Variants in HAS3 observed in about 807,000 individuals in gnomAD.
HAS3 encodes the protein HA synthase 3.
A neutral mutation model predicts 50.3 loss-of-function variants in HAS3; 27 were observed. The ratio of observed to expected loss-of-function variants is 0.54; its 90% CI spans 0.40 to 0.74. The LOEUF (loss-of-function observed/expected upper bound fraction) is 0.74. HAS3 is among the 30% of genes least tolerant of loss of function. The pLI, the probability that HAS3 is intolerant of heterozygous loss-of-function variation, is 0.00. For synonymous variants in HAS3, 339 were observed against 310.9 expected (o/e 1.09, Z -0.95); for missense variants, 517 against 742.8 (o/e 0.70, Z 3.53).
the HAS3 span, among the ~76,000 whole-genome samples, chr16:69,100,633 G>A: frequency 2.0e-5 from 3 of 152,318 alleles, no homozygotes; most frequent in South Asian, 2.1e-4. Context: ...AGGAGACAGC[G>A]GAGCAGAACC....
At chr16:69,110,233 C>G (rs2152256903) in intron 2 of HAS3, among the ~76,000 whole-genome samples, 1 of 152,284 alleles carries the variant, frequency 6.6e-6, no homozygotes, top group Middle Eastern at 3.4e-3. Flanking sequence ...GGGTGGATCA[C>G]AAGGTCAGGA....
At chr16:69,104,269 TTTTTC>T (rs1298590656), upstream of HAS3, among the ~76,000 whole-genome samples, 13 of 141,226 alleles carry the variant, frequency 9.2e-5, no homozygotes, top group South Asian at 2.1e-4. Context: ...GTTTTTTTTT[TTTTTC>T]TTTTCTTTTC....
chr16:69,094,192 C>T, the HAS3 span, among the ~76,000 whole-genome samples: 7 of 152,200 alleles, frequency 4.6e-5, no homozygotes, highest in African/African-American at 1.7e-4. Context: ...TTCGTCTTTA[C>T]TGTCTACCTT....
At chr16:69,085,676 A>G in the HAS3 span, among the ~76,000 whole-genome samples, 93 of 150,906 alleles carry the variant, frequency 6.2e-4, no homozygotes, top group African/African-American at 2.2e-3. Context: ...GCAACCTCCA[A>G]CTCCTAGGCT....
chr16:69,113,481 T>C lies in HAS3; in HGVS notation c.677T>C (p.Ile226Thr), dbSNP rs1288354349. The C allele has an allele frequency of 6.2e-7, 1 of 1,613,734 alleles. No homozygotes were observed. The highest frequency in any genetic ancestry group is 1.1e-5 in the South Asian group (1 of 91,066). The change falls in exon 3 of 4, where the codon ATC (isoleucine) becomes ACC (threonine). Residue 226 changes from isoleucine (I) to threonine (T), a missense_variant. Physicochemically the swap from Ile to Thr is moderately conservative, Grantham distance 89 (BLOSUM62 -1). Transcript: ENST00000569188. ...SDTVLDPACT[I>T]EMLRVLEEDP... ...ACTGTGCTGGATCCAGCCTGCACCA[T>C]CGAGATGCTTCGAGTCCTGGAGGAG...
rs897002100 is a variant in HAS3, at chr16:69,109,281, G to A, written c.1-115G>A. 1.6e-5 allele frequency: 17 copies of A among 1,041,936 alleles called. No homozygotes were observed. Among genetic ancestry groups the A allele is most frequent in the Middle Eastern group, 2.1e-4 (1 of 4,738 alleles). 64.5% of individuals were successfully genotyped at this position (1,041,936 alleles called of 1,614,324 possible). A position where few individuals can be genotyped will look rare whatever the true frequency, so the allele number is the denominator to read the frequency against. ...CTACCAAGTCTTATGCTCAGTAAGC[G>A]GTAACGGTTTTGATCAGTGGGTCAT... On this transcript the variant is annotated intron_variant, in intron 1 of 3. Transcript: ENST00000569188. The surrounding 1 kb of genome is among the most constrained non-coding windows in gnomAD (Gnocchi z 5.3).
the HAS3 span, among the ~76,000 whole-genome samples, chr16:69,088,557 C>CCCCCCCAAAAAA: frequency 1.9e-5 from 1 of 52,288 alleles, no homozygotes; most frequent in Admixed American, 2.1e-4. Flanking sequence ...GACTCCATCT[C>CCCCCCCAAAAAA]AAAAAAAAAA....
At chr16:69,104,992 G>GTTTTTTTTTTTTTTTTTTTTTT (rs565397720), upstream of HAS3, among the ~76,000 whole-genome samples, 1 of 81,958 alleles carries the variant, frequency 1.2e-5, no homozygotes, top group African/African-American at 4.7e-5. Context: ...CTGTTTTTTG[G>GTTTTTTTTTTTTTTTTTTTTTT]TTTTTTTTTT....
rs1961167694 is a variant in HAS3 at position 69,116,043 on chromosome 16, T to TA, written c.*778dup. 1 of 985,562 alleles carries TA rather than the reference T, an allele frequency of 1.0e-6. No individual in the cohort carries two copies. 61.1% of individuals were successfully genotyped at this position (985,562 alleles called of 1,614,324 possible). ...CTGCTCAGACGTCTAGATGGGTTCT[T>TA]AGCTTGTCTGTGATCTCTGCTGGGG... On this transcript the variant is annotated 3_prime_UTR_variant, in exon 4 of 4. Transcript: ENST00000569188.
chr16:69,087,013 T>G, the HAS3 span, among the ~76,000 whole-genome samples: 1 of 152,048 alleles, frequency 6.6e-6, no homozygotes, highest in Non-Finnish European at 1.5e-5. Flanking sequence ...CCCACCCTGC[T>G]CTTCTCCCTC....
At chr16:69,100,483 C>T in the HAS3 span, among the ~76,000 whole-genome samples, 1 of 152,152 alleles carries the variant, frequency 6.6e-6, no homozygotes, top group Admixed American at 6.5e-5. Flanking sequence ...GGCTGCCATC[C>T]TCCATTCTGT....
At chr16:69,108,544 C>T (rs1960888591) in intron 1 of HAS3, among the ~76,000 whole-genome samples, 2 of 152,218 alleles carry the variant, frequency 1.3e-5, no homozygotes, top group South Asian at 2.1e-4. Context: ...CAGGGGGACA[C>T]GCACAGAGAC....
chr16:69,096,613 ATTTTT>A, the HAS3 span, among the ~76,000 whole-genome samples: 1 of 101,298 alleles, frequency 9.9e-6, no homozygotes, highest in Admixed American at 1.2e-4. Context: ...CCCAACACCA[ATTTTT>A]TTTTTTTTTT....
intron 1 of HAS3, 78 bp downstream of exon 1, chr16:69,105,865 G>C (rs141305460): frequency 6.6e-6 from 1 of 152,276 alleles, no homozygotes; most frequent in Non-Finnish European, 1.5e-5. Flanking sequence ...TCCCTGCGTG[G>C]TATCTGGAAA....
At position 69,116,965 on chromosome 16, in the gene HAS3, G is replaced by A. The variant is rs989548558; in HGVS notation, c.*1699G>A. On this transcript the variant is annotated 3_prime_UTR_variant, in exon 4 of 4. Coordinates refer to ENST00000569188, the MANE Select transcript of HAS3 (RefSeq NM_001199280.2). The stretch of plus-strand genomic sequence containing the variant: ...AAGGTGTGCTCTGAGCCACAGATGG[G>A]CAAACCCTGGTGCTTTCCTTCATCT... 12 of 985,324 alleles carry A rather than the reference G, an allele frequency of 1.2e-5. No homozygotes were observed. Among genetic ancestry groups the A allele is most frequent in the African/African-American group, 3.5e-5 (2 of 57,226 alleles). 61.0% of individuals were successfully genotyped at this position (985,324 alleles called of 1,614,324 possible). A position where few individuals can be genotyped will look rare whatever the true frequency, so the allele number is the denominator to read the frequency against.
At chr16:69,090,211 A>G in the HAS3 span, among the ~76,000 whole-genome samples, 1 of 152,140 alleles carries the variant, frequency 6.6e-6, no homozygotes, top group African/African-American at 2.4e-5. Context: ...GGGCCCACCA[A>G]GAAGGCGTTT....
intron 2 of HAS3, 40 bp downstream of exon 2, chr16:69,110,071 A>C: frequency 6.5e-7 from 1 of 1,548,626 alleles, no homozygotes; most frequent in Non-Finnish European, 8.8e-7. Flanking sequence ...CATGGGGATA[A>C]GTCTGGACAG....
At chr16:69,098,413 A>C in the HAS3 span, among the ~76,000 whole-genome samples, 1 of 146,228 alleles carries the variant, frequency 6.8e-6, no homozygotes, top group Non-Finnish European at 1.5e-5. Context: ...ATTTATCTTC[A>C]TTTTTTTTTT....
the HAS3 span, among the ~76,000 whole-genome samples, chr16:69,090,575 AT>A: frequency 7.9e-3 from 1,155 of 146,292 alleles, 11 homozygotes; most frequent in African/African-American, 0.024. Context: ...CACTGAGCTA[AT>A]TTTTTTTTTT....
Sources: allele counts gnomAD v4.1 joint callset (sites outside exome capture counted in the v4.1 genomes callset), GRCh38; gene constraint gnomAD v4.1.1; non-coding constraint Gnocchi (gnomAD v3.1); transcripts MANE v1.5; gene names NCBI Gene and HGNC (gene_info 2026-07-23, HGNC 2026-07-21).